GALNT13: variants seen among roughly 807,000 people sequenced by gnomAD.
GALNT13 encodes polypeptide N-acetylgalactosaminyltransferase 13.
In GALNT13, 28 loss-of-function variants were observed where a neutral mutation model predicts 64.2. The ratio of observed to expected loss-of-function variants is 0.44; its 90% CI spans 0.32 to 0.60. The LOEUF is 0.60. Ranked by LOEUF, GALNT13 falls within the 20% of genes least tolerant of loss-of-function variation. GALNT13 has a pLI of 0.05. For synonymous variants in GALNT13, 214 were observed against 224.6 expected (o/e 0.95, Z 0.42); for missense variants, 577 against 669.8 (o/e 0.86, Z 1.53).
the GALNT13 span, among the ~76,000 whole-genome samples, chr2:153,402,560 T>C: frequency 6.6e-6 from 1 of 152,238 alleles, no homozygotes; most frequent in African/African-American, 2.4e-5. Flanking sequence ...CACTTTCAGG[T>C]ACACCAATCA....
intron 3 of GALNT13, among the ~76,000 whole-genome samples, chr2:153,949,636 AGAAAGCCCAGGATACTTGTAAAG>A (rs1235641677): frequency 5.3e-5 from 8 of 152,166 alleles, no homozygotes; most frequent in Admixed American, 5.2e-4. Flanking sequence ...TAAAGATTCC[AGAAAGCCCAGGATACTTGTAAAG>A]GAGAAAAATA....
At chr2:153,827,463 A>G in the GALNT13 span, among the ~76,000 whole-genome samples, 1 of 152,042 alleles carries the variant, frequency 6.6e-6, no homozygotes, top group African/African-American at 2.4e-5. Context: ...CTCTACTACA[A>G]ATACAAAAAA....
chr2:153,426,618 T>C, the GALNT13 span, among the ~76,000 whole-genome samples: 1 of 152,094 alleles, frequency 6.6e-6, no homozygotes, highest in African/African-American at 2.4e-5. Flanking sequence ...TCTTCAAAAT[T>C]ATGTTTATTG....
At chr2:153,800,874 A>G in the GALNT13 span, among the ~76,000 whole-genome samples, 2 of 152,204 alleles carry the variant, frequency 1.3e-5, no homozygotes, top group African/African-American at 4.8e-5. Context: ...TCCACATTGA[A>G]AATCTGTTGC....
the GALNT13 span, among the ~76,000 whole-genome samples, chr2:153,425,767 C>G: frequency 2.0e-5 from 3 of 151,714 alleles, no homozygotes; most frequent in Non-Finnish European, 3.0e-5. Context: ...ATGCCATGGT[C>G]TAAAAATTTT....
the GALNT13 span, among the ~76,000 whole-genome samples, chr2:153,433,655 T>C: frequency 1.3e-5 from 2 of 152,176 alleles, no homozygotes; most frequent in Non-Finnish European, 2.9e-5. Context: ...AGGTAGAGTT[T>C]AGCGGAGCAG....
the GALNT13 span, among the ~76,000 whole-genome samples, chr2:153,193,087 T>C: frequency 1.3e-5 from 2 of 152,176 alleles, no homozygotes; most frequent in Non-Finnish European, 2.9e-5. Context: ...CTTATCTTTA[T>C]GGTTTGATGG....
At chr2:153,403,303 G>C in the GALNT13 span, among the ~76,000 whole-genome samples, 3 of 150,994 alleles carry the variant, frequency 2.0e-5, no homozygotes, top group Non-Finnish European at 3.0e-5. Flanking sequence ...CTCCAGCTGC[G>C]TGCTGGGAGA....
intron 3 of GALNT13, among the ~76,000 whole-genome samples, chr2:154,105,090 T>C (rs1453826335): frequency 6.6e-6 from 1 of 152,128 alleles, no homozygotes; most frequent in African/African-American, 2.4e-5. Flanking sequence ...GACTCCAGGT[T>C]CCTTGCGGAT....
chr2:153,610,228 C>T, the GALNT13 span, among the ~76,000 whole-genome samples: 3 of 152,108 alleles, frequency 2.0e-5, no homozygotes, highest in Admixed American at 2.0e-4. Flanking sequence ...AACAAACTAT[C>T]ATATTGCACA....
chr2:153,153,074 T>C, the GALNT13 span, among the ~76,000 whole-genome samples: 912 of 152,122 alleles, frequency 6.0e-3, 8 homozygotes, highest in Middle Eastern at 0.048. Flanking sequence ...GCATCTGTTG[T>C]TGACTTTCTT....
chr2:153,980,226 G>C (rs780224080), intron 3 of GALNT13, among the ~76,000 whole-genome samples: 59 of 152,188 alleles, frequency 3.9e-4, no homozygotes, highest in Admixed American at 9.2e-4. Flanking sequence ...TTAAGAGTTT[G>C]TTTTTAATTC....
chr2:153,898,117 C>T (rs1687999079), intron 1 of GALNT13, among the ~76,000 whole-genome samples: 1 of 152,016 alleles, frequency 6.6e-6, no homozygotes, highest in Non-Finnish European at 1.5e-5. Context: ...CCCCATATAT[C>T]TCTGTATATA....
the GALNT13 span, among the ~76,000 whole-genome samples, chr2:153,482,286 A>T: frequency 6.6e-6 from 1 of 152,186 alleles, no homozygotes; most frequent in African/African-American, 2.4e-5. Flanking sequence ...CACAAAGAGT[A>T]ACAACAGAAG....
chr2:153,657,470 A>C, the GALNT13 span, among the ~76,000 whole-genome samples: 3 of 152,086 alleles, frequency 2.0e-5, no homozygotes, highest in African/African-American at 7.2e-5. Context: ...AATCTTATCA[A>C]TTAGATACTG....
the GALNT13 span, among the ~76,000 whole-genome samples, chr2:153,857,761 T>C: frequency 0.82 from 124,906 of 152,112 alleles, 52,534 homozygotes; most frequent in Non-Finnish European, 0.9. Flanking sequence ...GGACTGCCAG[T>C]GTTTAAATAC....
At chr2:154,110,386 G>GAC (rs1702914489) in intron 3 of GALNT13, among the ~76,000 whole-genome samples, 1 of 133,590 alleles carries the variant, frequency 7.5e-6, no homozygotes, top group Non-Finnish European at 1.6e-5. Flanking sequence ...GACAGAGAGA[G>GAC]AGAGAGAGAG....
At chr2:153,688,484 A>C in the GALNT13 span, among the ~76,000 whole-genome samples, 1 of 152,026 alleles carries the variant, frequency 6.6e-6, no homozygotes. Context: ...AAGTACACAC[A>C]TCATTAGTAT....
chr2:153,940,593 C>T (rs149205347), intron 2 of GALNT13, among the ~76,000 whole-genome samples: 8 of 152,218 alleles, frequency 5.3e-5, no homozygotes, highest in African/African-American at 1.7e-4. Flanking sequence ...ATCTGTTTTC[C>T]TATCAGTTAG....
Sources: gnomAD v4.1 joint callset for allele counts (sites outside exome capture counted in the v4.1 genomes callset) on GRCh38, gnomAD v4.1.1 for gene constraint, MANE v1.5 for transcripts, NCBI Gene and HGNC (gene_info 2026-07-23, HGNC 2026-07-21) for gene names.